The following NAV1 variants were observed in gnomAD, a reference collection of about 807,000 sequenced individuals.
NAV1 encodes neuron navigator 1.
A neutral mutation model predicts 175.2 loss-of-function variants in NAV1; 18 were observed. The observed-to-expected ratio is 0.10, with a 90% CI of 0.07 to 0.15. The LOEUF is 0.15. Among genes scored for constraint, NAV1 ranks in the 10% least tolerant of loss-of-function variants. NAV1 has a pLI of 1.00. For missense variants in NAV1, 1,731 were observed against 2,436.6 expected (o/e 0.71, Z 6.10); for synonymous variants, 897 against 978.7 (o/e 0.92, Z 1.56).
At position 201,813,172 on chromosome 1, in the gene NAV1, A is replaced by G. The variant is rs1678800874; in HGVS notation, c.5254A>G (p.Ile1752Val). Residue 1752 changes from isoleucine to valine, a missense_variant, in exon 28 of 30, where the codon ATT becomes GTT. By Grantham distance (29) the Ile-to-Val change is conservative. Around this residue, in one of 13 missense-constraint regions of NAV1, gnomAD observed 30 missense variants for 97.3 expected, o/e 0.31. Transcript: ENST00000367296. The surrounding 1 kb of genome is among the most constrained non-coding windows in gnomAD (Gnocchi z 4.2). Reference sequence around the variant, plus strand: ...CTTCTTTCTGTCGTGTCCCATTGGCATTGAGGACTTCCGGACCTGGTTCAT... The same window carrying G: ...CTTCTTTCTGTCGTGTCCCATTGGCGTTGAGGACTTCCGGACCTGGTTCAT... 1.2e-6 allele frequency: 2 copies of G among 1,614,066 alleles called. No homozygotes were observed. Among genetic ancestry groups the G allele is most frequent in the Middle Eastern group, 1.7e-4 (1 of 6,058 alleles).
chr1:201,653,583 C>T (rs1015325209), intron 1 of NAV1, among the ~76,000 whole-genome samples: 3 of 152,180 alleles, frequency 2.0e-5, no homozygotes, highest in Admixed American at 2.0e-4. Flanking sequence ...AATGTGTTCA[C>T]AAATACTTCG....
intron 1 of NAV1, among the ~76,000 whole-genome samples, chr1:201,666,915 C>T (rs560056025): frequency 5.3e-5 from 8 of 152,112 alleles, no homozygotes; most frequent in East Asian, 3.9e-4. Context: ...TTTCTCTCAA[C>T]GGAATTAAAA....
intron 3 of NAV1, among the ~76,000 whole-genome samples, chr1:201,736,998 C>T (rs1444491663): frequency 6.6e-6 from 1 of 151,986 alleles, no homozygotes; most frequent in Non-Finnish European, 1.5e-5. Flanking sequence ...TCCACCTCCA[C>T]TGTAGTCAAG....
intron 1 of NAV1, among the ~76,000 whole-genome samples, chr1:201,684,471 C>T (rs1338406961): frequency 8.3e-6 from 1 of 120,548 alleles, no homozygotes; most frequent in Non-Finnish European, 1.6e-5. Flanking sequence ...TTCCTTTATG[C>T]AGCCTTTTTT....
chr1:201,581,213 G>T (rs756628731), intron 1 of NAV1, among the ~76,000 whole-genome samples: 1 of 152,152 alleles, frequency 6.6e-6, no homozygotes, highest in Non-Finnish European at 1.5e-5. Context: ...TTTTTGTTAC[G>T]GTTCGAGTGA....
intron 2 of NAV1, among the ~76,000 whole-genome samples, chr1:201,593,496 G>C (rs577572542): frequency 2.0e-4 from 31 of 152,330 alleles, no homozygotes; most frequent in Non-Finnish European, 3.4e-4. Flanking sequence ...GCAGCAGTTA[G>C]ACGACAGATG....
rs1299080573 is a variant in NAV1, at chr1:201,756,848, CTT to C, written c.1227-23571_1227-23570del. On this transcript the variant is annotated intron_variant, in intron 3 of 29. Coordinates refer to ENST00000367296, the Ensembl canonical transcript of NAV1. Reference sequence around the variant, plus strand: ...TCTTTCTTTCTTTCTTTCTTTCTTTCTTTCTTTCTTTCTTTCTTTCTTTCTTT... The same window carrying C: ...TCTTTCTTTCTTTCTTTCTTTCTTTCTCTTTCTTTCTTTCTTTCTTTCTTT... Among the ~76,000 whole-genome samples, 103 of 132,428 alleles carry C rather than the reference CTT, an allele frequency of 7.8e-4. 4 individuals carry two copies. Among genetic ancestry groups the C allele is most frequent in the African/African-American group, 2.6e-3 (89 of 34,520 alleles). The allele number at this position is 132,428 out of a possible 152,430, so 86.9% of individuals were successfully genotyped here. A position where few individuals can be genotyped will look rare whatever the true frequency, so the allele number is the denominator to read the frequency against.
intron 2 of NAV1, among the ~76,000 whole-genome samples, chr1:201,611,218 G>T (rs974396112): frequency 2.0e-5 from 3 of 152,190 alleles, no homozygotes; most frequent in African/African-American, 7.2e-5. Context: ...TGCATTCTCT[G>T]CCAAGGACCA....
chr1:201,747,828 C>G (rs538730235), intron 3 of NAV1, among the ~76,000 whole-genome samples: 141 of 152,302 alleles, frequency 9.3e-4, no homozygotes, highest in African/African-American at 3.2e-3. Context: ...TTCCTAAATT[C>G]TAGATAAACA....
intron 1 of NAV1, among the ~76,000 whole-genome samples, chr1:201,708,364 C>T (rs557940650): frequency 3.5e-4 from 54 of 152,180 alleles, no homozygotes; most frequent in Admixed American, 1.7e-3. Flanking sequence ...GAGCTCCTCC[C>T]CATAGACCTT....
intron 1 of NAV1, among the ~76,000 whole-genome samples, chr1:201,552,825 C>T (rs1228039477): frequency 1.3e-5 from 2 of 152,188 alleles, no homozygotes; most frequent in Non-Finnish European, 2.9e-5. Flanking sequence ...GCCATGCAGA[C>T]TATACTTCGG....
intron 15 of NAV1, chr1:201,795,372 A>C (rs1677374637): frequency 6.6e-6 from 1 of 152,178 alleles, no homozygotes; most frequent in Non-Finnish European, 1.5e-5. Context: ...GGAAGGATTC[A>C]TCCCTTCTGG....
intron 3 of NAV1, among the ~76,000 whole-genome samples, chr1:201,738,529 A>T (rs1438910727): frequency 6.6e-6 from 1 of 152,046 alleles, no homozygotes; most frequent in Non-Finnish European, 1.5e-5. Context: ...GTGGGCCGAA[A>T]ATAGTAGGGG....
upstream of NAV1, among the ~76,000 whole-genome samples, chr1:201,618,480 C>G (rs1468019361): frequency 6.6e-6 from 1 of 152,106 alleles, no homozygotes; most frequent in Non-Finnish European, 1.5e-5. Context: ...GGTTTCCACC[C>G]TGTAAATTGG....
intron 2 of NAV1, among the ~76,000 whole-genome samples, chr1:201,610,134 C>G (rs1267960277): frequency 2.6e-5 from 4 of 152,168 alleles, no homozygotes; most frequent in Non-Finnish European, 5.9e-5. Flanking sequence ...GCTTCCCATG[C>G]CAGCTCAACT....
At chr1:201,676,504 G>A (rs1174915941) in intron 1 of NAV1, among the ~76,000 whole-genome samples, 1 of 152,160 alleles carries the variant, frequency 6.6e-6, no homozygotes, top group African/African-American at 2.4e-5. Context: ...GAGTCAGGGA[G>A]CCTCAGGGAG....
chr1:201,817,357 A>AGG (rs1679106699), intron 29 of NAV1, 72 bp downstream of exon 33: 10 of 1,421,320 alleles, frequency 7.0e-6, no homozygotes, highest in Middle Eastern at 1.8e-4. Flanking sequence ...AGGGTGGCTC[A>AGG]CACCTGTAAT....
exon 30 of NAV1, chr1:201,823,928 G>A: frequency 6.6e-6 from 1 of 151,940 alleles, no homozygotes; most frequent in Admixed American, 6.6e-5. Context: ...GCTTCTCACA[G>A]ACACCTCACA....
chr1:201,585,872 T>A (rs1410077700), intron 1 of NAV1, among the ~76,000 whole-genome samples: 1 of 152,190 alleles, frequency 6.6e-6, no homozygotes, highest in Non-Finnish European at 1.5e-5. Flanking sequence ...TTGATAGGAA[T>A]GTAAATTGGT....
Sources: allele counts gnomAD v4.1 joint callset (sites outside exome capture counted in the v4.1 genomes callset), GRCh38; gene constraint gnomAD v4.1.1; regional missense constraint gnomAD v4.1.1; non-coding constraint Gnocchi (gnomAD v3.1); transcripts MANE v1.5; gene names NCBI Gene and HGNC (gene_info 2026-07-23, HGNC 2026-07-21).